Variants in ADCY2 observed in about 807,000 individuals in gnomAD.
The protein encoded by ADCY2 is adenylate cyclase type 2.
In ADCY2, 31 loss-of-function variants were observed where a neutral mutation model predicts 125.2. That is an observed-to-expected ratio of 0.25 (90% CI 0.19 to 0.33). The LOEUF is 0.33. ADCY2 is among the 10% of genes least tolerant of loss of function. ADCY2 has a pLI of 1.00. For synonymous variants in ADCY2, 512 were observed against 548.4 expected (o/e 0.93, Z 0.93); for missense variants, 904 against 1,418.2 (o/e 0.64, Z 5.82).
chr5:7,447,485 T>G (rs1009943351), intron 2 of ADCY2, among the ~76,000 whole-genome samples: 2 of 152,202 alleles, frequency 1.3e-5, no homozygotes, highest in Non-Finnish European at 2.9e-5. Context: ...TCCAGCTCTG[T>G]GCTGGTACAG....
chr5:7,727,741 C>T (rs576299093), intron 14 of ADCY2, among the ~76,000 whole-genome samples: 3 of 151,926 alleles, frequency 2.0e-5, no homozygotes, highest in Admixed American at 6.6e-5. Flanking sequence ...ACTCTGCAGC[C>T]GTCTTTGATT....
intron 16 of ADCY2, among the ~76,000 whole-genome samples, chr5:7,762,008 AC>A (rs764225904): frequency 6.6e-6 from 1 of 152,200 alleles, no homozygotes; most frequent in Non-Finnish European, 1.5e-5. Flanking sequence ...ACTTTTTAAT[AC>A]TTTTAATGTG....
intron 2 of ADCY2, among the ~76,000 whole-genome samples, chr5:7,471,505 A>T (rs1742336697): frequency 6.6e-6 from 1 of 151,890 alleles, no homozygotes; most frequent in Admixed American, 6.6e-5. Context: ...TAGACTCCCA[A>T]TTTGTCCCTC....
intron 2 of ADCY2, among the ~76,000 whole-genome samples, chr5:7,498,112 A>T (rs1743404043): frequency 6.6e-6 from 1 of 152,134 alleles, no homozygotes. Flanking sequence ...AAATGAAAGT[A>T]GAGACAAGTG....
chr5:7,478,838 C>T (rs1742613157), intron 2 of ADCY2, among the ~76,000 whole-genome samples: 1 of 152,170 alleles, frequency 6.6e-6, no homozygotes, highest in African/African-American at 2.4e-5. Context: ...TATATGACCA[C>T]AGCTGCATAC....
At chr5:7,530,957 C>A (rs1457367470) in intron 3 of ADCY2, among the ~76,000 whole-genome samples, 1 of 152,118 alleles carries the variant, frequency 6.6e-6, no homozygotes, top group Admixed American at 6.5e-5. Flanking sequence ...TCCCATAGGA[C>A]CCCATACATG....
intron 15 of ADCY2, among the ~76,000 whole-genome samples, chr5:7,752,046 G>A (rs1195913021): frequency 6.6e-6 from 1 of 152,154 alleles, no homozygotes; most frequent in East Asian, 1.9e-4. Context: ...TCTGCATTTG[G>A]CCAGAGACAA....
chr5:7,723,260 C>T (rs1362399944), intron 12 of ADCY2, among the ~76,000 whole-genome samples: 1 of 152,060 alleles, frequency 6.6e-6, no homozygotes, highest in East Asian at 1.9e-4. Flanking sequence ...CAAATTTTAC[C>T]TATGTGACAA....
intron 4 of ADCY2, among the ~76,000 whole-genome samples, chr5:7,689,187 C>T (rs1281997820): frequency 6.6e-6 from 1 of 152,178 alleles, no homozygotes; most frequent in Non-Finnish European, 1.5e-5. Context: ...CATTCATAAC[C>T]AAGACTTCAA....
rs1327852450 is a variant in ADCY2, at chr5:7,828,826, CCT to C, written c.*1958_*1959del. The C allele has an allele frequency of 6.6e-6, 1 of 152,266 alleles. No homozygotes were observed. The highest frequency in any genetic ancestry group is 2.4e-5 in the African/African-American group (1 of 41,424). The allele number at this position is 152,266 out of a possible 1,614,324, so 9.4% of individuals were successfully genotyped here. A position where few individuals can be genotyped will look rare whatever the true frequency, so the allele number is the denominator to read the frequency against. The stretch of plus-strand genomic sequence containing the variant: ...CAGCAGGCGTGCCTCGTGGGTTCTT[CCT>C]CTGTTACATCCTGCTACACTCATCC... On this transcript the variant is annotated 3_prime_UTR_variant, in exon 25 of 25. Transcript: ENST00000338316.
intron 3 of ADCY2, among the ~76,000 whole-genome samples, chr5:7,529,718 T>C (rs776994879): frequency 6.6e-6 from 1 of 152,246 alleles, no homozygotes; most frequent in Non-Finnish European, 1.5e-5. Flanking sequence ...TGTCTGCAGC[T>C]GGCTTTCAGC....
chr5:7,412,971 T>C (rs1469320829), intron 1 of ADCY2, among the ~76,000 whole-genome samples: 12 of 152,070 alleles, frequency 7.9e-5, no homozygotes, highest in Non-Finnish European at 1.5e-4. Context: ...ACCATTCTTG[T>C]TGTTCCTCTT....
chr5:7,725,170 C>T (rs975622968), intron 13 of ADCY2, among the ~76,000 whole-genome samples: 2 of 152,082 alleles, frequency 1.3e-5, no homozygotes, highest in Non-Finnish European at 2.9e-5. Flanking sequence ...TATGGGTTTG[C>T]CAAAATGAAT....
chr5:7,773,744 G>A (rs547529622), intron 18 of ADCY2, among the ~76,000 whole-genome samples: 1 of 152,282 alleles, frequency 6.6e-6, no homozygotes, highest in African/African-American at 2.4e-5. Flanking sequence ...ATATATGGTT[G>A]CTTTAGGTCT....
At chr5:7,508,567 A>G (rs549173021) in intron 2 of ADCY2, among the ~76,000 whole-genome samples, 1 of 152,268 alleles carries the variant, frequency 6.6e-6, no homozygotes, top group East Asian at 1.9e-4. Context: ...TGGCAAAAAT[A>G]TGGACTGAGG....
At chr5:7,690,603 C>T in intron 4 of ADCY2, 88 bp from the exon 5 acceptor site, 2 of 1,255,406 alleles carry the variant, frequency 1.6e-6, no homozygotes, top group South Asian at 2.6e-5. Flanking sequence ...ACTGGCCTTC[C>T]TACAAATCAG....
chr5:7,545,343 C>T (rs972059308), intron 3 of ADCY2, among the ~76,000 whole-genome samples: 2 of 152,146 alleles, frequency 1.3e-5, no homozygotes, highest in Non-Finnish European at 2.9e-5. Flanking sequence ...CCTTTGGTTT[C>T]TCTCCTTTCT....
chr5:7,765,524 C>T (rs115705159), intron 16 of ADCY2, among the ~76,000 whole-genome samples: 13 of 152,074 alleles, frequency 8.5e-5, no homozygotes, highest in Admixed American at 2.6e-4. Flanking sequence ...AATGATATAA[C>T]GGCAGAAATA....
At chr5:7,594,087 T>A (rs1395770508) in intron 3 of ADCY2, among the ~76,000 whole-genome samples, 2 of 151,952 alleles carry the variant, frequency 1.3e-5, no homozygotes, top group Non-Finnish European at 2.9e-5. Flanking sequence ...TCTGGGTTGA[T>A]TTGAGAAGAA....
Sources: allele counts gnomAD v4.1 joint callset (sites outside exome capture counted in the v4.1 genomes callset), GRCh38; gene constraint gnomAD v4.1.1; transcripts MANE v1.5; gene names NCBI Gene and HGNC (gene_info 2026-07-23, HGNC 2026-07-21).